Variants in PRKRIP1 observed in about 807,000 individuals in gnomAD.
The protein encoded by PRKRIP1 is PRKR interacting protein 1.
Under a neutral mutation model 29.3 loss-of-function variants are expected in PRKRIP1, and 29 were observed. The observed-to-expected ratio is 0.99, with a 90% CI of 0.74 to 1.35. The LOEUF is 1.35. Ranked by LOEUF, PRKRIP1 falls within the 40% of genes most tolerant of loss-of-function variation. The pLI is 0.00. For missense variants in PRKRIP1, 247 were observed against 236.8 expected (o/e 1.04, Z -0.28); for synonymous variants, 90 against 85.1 (o/e 1.06, Z -0.32).
rs187057307 is a variant in PRKRIP1, at chr7:102,415,499, G to A, written c.457+8001G>A. Among the ~76,000 whole-genome samples, 334 of 152,326 alleles carry A rather than the reference G, an allele frequency of 2.2e-3. 2 individuals are homozygous for A. The highest frequency in any genetic ancestry group is 7.6e-3 in the African/African-American group (316 of 41,564). Reference sequence around the variant, plus strand: ...GATTCACCCGCGTTGGCCTCCCAAAGCGCTGGGATTACAGGCGTGAGCCAC... The same window carrying A: ...GATTCACCCGCGTTGGCCTCCCAAAACGCTGGGATTACAGGCGTGAGCCAC... On this transcript the variant is annotated intron_variant, in intron 5 of 5. Coordinates refer to ENST00000397912, the MANE Select transcript of PRKRIP1 (RefSeq NM_024653.4).
At position 102,396,442 on chromosome 7, in the gene PRKRIP1, C is replaced by G. The variant is rs760425875; in HGVS notation, c.31C>G (p.Pro11Ala). Residue 11 changes from proline (P) to alanine (A), a missense_variant, in exon 1 of 6, where the codon CCA (proline) becomes GCA (alanine). Physicochemically the swap from Pro to Ala is conservative, Grantham distance 27. This residue lies in a region of PRKRIP1 where 105 missense variants were observed against 80.2 expected (regional missense o/e 1.31). Coordinates refer to ENST00000397912, the MANE Select transcript of PRKRIP1 (RefSeq NM_024653.4). ...TAGCCCAGCCGCCTCCTCGGTGCGA[C>G]CACCGAGGCCCAAGAAAGAGCCGCA... MASPAASSVRPPRPKKEPQTL... is the reference protein window; with the variant it reads MASPAASSVRAPRPKKEPQTL... 6.3e-7 allele frequency: 1 copy of G among 1,595,960 alleles called. No individual in the cohort carries two copies. Among genetic ancestry groups the G allele is most frequent in the Non-Finnish European group, 8.5e-7 (1 of 1,174,322 alleles).
chr7:102,415,485 G>A (rs184000231), intron 5 of PRKRIP1, among the ~76,000 whole-genome samples: 1 of 152,260 alleles, frequency 6.6e-6, no homozygotes, highest in East Asian at 1.9e-4. Flanking sequence ...ATTCACCCGC[G>A]TTGGCCTCCC....
intron 2 of PRKRIP1, among the ~76,000 whole-genome samples, chr7:102,398,801 A>G (rs1023151369): frequency 6.6e-6 from 1 of 152,076 alleles, no homozygotes; most frequent in African/African-American, 2.4e-5. Context: ...TTTATACTCT[A>G]CTGTAGTTTA....
At chr7:102,409,542 GC>G (rs1796322276) in intron 5 of PRKRIP1, among the ~76,000 whole-genome samples, 1 of 152,078 alleles carries the variant, frequency 6.6e-6, no homozygotes, top group African/African-American at 2.4e-5. Context: ...TAAAAAATCA[GC>G]CAGGCATGGT....
At chr7:102,418,747 G>A (rs1167442531) in intron 5 of PRKRIP1, among the ~76,000 whole-genome samples, 4 of 152,132 alleles carry the variant, frequency 2.6e-5, no homozygotes, top group East Asian at 1.9e-4. Flanking sequence ...GTTACCCTGG[G>A]GGAAGCACCA....
chr7:102,407,548 C>T (rs373993073), intron 5 of PRKRIP1, 50 bp downstream of exon 5: 4 of 1,378,892 alleles, frequency 2.9e-6, no homozygotes, highest in African/African-American at 2.9e-5. Context: ...TCTTGTTGGT[C>T]ACAGTGGCTG....
intron 5 of PRKRIP1, among the ~76,000 whole-genome samples, chr7:102,423,938 AG>A (rs1339816027): frequency 1.3e-5 from 2 of 152,252 alleles, no homozygotes; most frequent in African/African-American, 4.8e-5. Context: ...CTGGGATTAC[AG>A]GTGTGTGCCA....
At chr7:102,413,236 C>G (rs77643247) in intron 5 of PRKRIP1, among the ~76,000 whole-genome samples, 6,993 of 152,222 alleles carry the variant, frequency 0.046, 214 homozygotes, top group Non-Finnish European at 0.072. Context: ...AGATGCACCC[C>G]AGTGGGGGAG....
chr7:102,419,606 T>G lies in PRKRIP1; in HGVS notation c.458-5408T>G, dbSNP rs574778772. Among the ~76,000 whole-genome samples, 6 of 152,254 alleles carry G rather than the reference T, an allele frequency of 3.9e-5. No individual in the cohort carries two copies. In the East Asian group the frequency reaches 1.2e-3, roughly 29 times the overall value. On this transcript the variant is annotated intron_variant, in intron 5 of 5. Transcript: ENST00000397912. ...CCCTGGCAGCTGTTTACTGCCTCTG[T>G]GGTTCTGCCTTCTCCACACTGTCAT...
intron 5 of PRKRIP1, among the ~76,000 whole-genome samples, chr7:102,423,764 A>G (rs1218018653): frequency 6.6e-6 from 1 of 150,524 alleles, no homozygotes; most frequent in East Asian, 2.0e-4. Context: ...GCAGCCTTGA[A>G]CTCCTGGGCC....
chr7:102,408,177 CAAG>C (rs1796283041), intron 5 of PRKRIP1, among the ~76,000 whole-genome samples: 1 of 152,110 alleles, frequency 6.6e-6, no homozygotes, highest in African/African-American at 2.4e-5. Context: ...GTGTTCAAAG[CAAG>C]AAGAAGGGGA....
At chr7:102,423,316 A>C (rs1586698594) in intron 5 of PRKRIP1, 1 of 383,434 alleles carries the variant, frequency 2.6e-6, no homozygotes, top group Non-Finnish European at 5.3e-6. Context: ...GGTTTCCCCC[A>C]TGTTGGTCAG....
chr7:102,421,565 A>G (rs1402611441), intron 5 of PRKRIP1, among the ~76,000 whole-genome samples: 2 of 152,074 alleles, frequency 1.3e-5, no homozygotes, highest in Non-Finnish European at 2.9e-5. Context: ...TTGGGAGGCC[A>G]AGGTGGGCAG....
chr7:102,424,424 G>C (rs782127592), intron 5 of PRKRIP1, among the ~76,000 whole-genome samples: 2 of 152,234 alleles, frequency 1.3e-5, no homozygotes, highest in African/African-American at 4.8e-5. Context: ...GCTCCCGCGT[G>C]AAGAGGGGGA....
intron 5 of PRKRIP1, among the ~76,000 whole-genome samples, chr7:102,422,610 A>G (rs1206422248): frequency 1.3e-5 from 2 of 149,460 alleles, no homozygotes; most frequent in African/African-American, 2.5e-5. Flanking sequence ...TGAAAGTGCT[A>G]CGATTACAGG....
chr7:102,421,770 C>T (rs1190975904), intron 5 of PRKRIP1, among the ~76,000 whole-genome samples: 2 of 151,548 alleles, frequency 1.3e-5, no homozygotes, highest in African/African-American at 4.9e-5. Context: ...GCCCTCTAGC[C>T]TGGTGACAGT....
rs1312099931 is a variant in PRKRIP1, at chr7:102,396,567, T to G, written c.126+30T>G. On this transcript the variant is annotated intron_variant, in intron 1 of 5. Coordinates refer to ENST00000397912, the MANE Select transcript of PRKRIP1 (RefSeq NM_024653.4). ...GACGAGGCCCAGGCTCCACGGCCCG[T>G]CCGAGGCCCACCCCCTTCCTCTGCA... 7.5e-6 allele frequency: 12 copies of G among 1,595,160 alleles called. No individual in the cohort carries two copies. The African/African-American group carries it at 1.1e-4, about 14-fold the overall frequency.
intron 5 of PRKRIP1, chr7:102,423,501 GAGATCT>G: frequency 4.5e-6 from 1 of 224,016 alleles, no homozygotes; most frequent in Admixed American, 5.2e-5. Context: ...TAGTGAATAG[GAGATCT>G]CGAGCAGCAA....
intron 5 of PRKRIP1, among the ~76,000 whole-genome samples, chr7:102,417,071 G>A (rs1009588210): frequency 2.0e-5 from 3 of 151,984 alleles, no homozygotes; most frequent in Non-Finnish European, 4.4e-5. Flanking sequence ...TAGCCAGGGT[G>A]GTCTCGATCT....
Sources: allele counts gnomAD v4.1 joint callset (sites outside exome capture counted in the v4.1 genomes callset), GRCh38; gene constraint gnomAD v4.1.1; regional missense constraint gnomAD v4.1.1; transcripts MANE v1.5; gene names NCBI Gene and HGNC (gene_info 2026-07-23, HGNC 2026-07-21).